CLSTN2: variants seen among roughly 807,000 people sequenced by gnomAD.
The protein encoded by CLSTN2 is calsyntenin 2, also known as calsyntenin-2.
A neutral mutation model predicts 101.2 loss-of-function variants in CLSTN2; 48 were observed. That is an observed-to-expected ratio of 0.47 (90% CI 0.38 to 0.60). CLSTN2 has a LOEUF of 0.60. Ranked by LOEUF, CLSTN2 falls within the 20% of genes least tolerant of loss-of-function variation. The pLI is 0.00. For missense variants in CLSTN2, 1,160 were observed against 1,238.2 expected, an observed-to-expected ratio of 0.94 and a Z score of 0.95; for synonymous variants, 481 against 463.6, an observed-to-expected ratio of 1.04 and a Z score of -0.48.
chr3:140,470,498 G>A (rs563192899), intron 8 of CLSTN2, among the ~76,000 whole-genome samples: 22 of 152,360 alleles, frequency 1.4e-4, no homozygotes, highest in Non-Finnish European at 2.1e-4. Flanking sequence ...GGGTCAGGGC[G>A]TGTGAGCTCT....
intron 8 of CLSTN2, among the ~76,000 whole-genome samples, chr3:140,468,581 A>T (rs1408350630): frequency 6.6e-6 from 1 of 152,178 alleles, no homozygotes; most frequent in African/African-American, 2.4e-5. Context: ...GCTAGGCAGG[A>T]TGCACGTGGG....
intron 2 of CLSTN2, among the ~76,000 whole-genome samples, chr3:140,326,055 G>A (rs1184490023): frequency 6.6e-6 from 1 of 152,174 alleles, no homozygotes; most frequent in African/African-American, 2.4e-5. Context: ...CCACAACAAA[G>A]TGTTAGAAAC....
At chr3:140,293,099 A>G (rs550815776) in intron 2 of CLSTN2, among the ~76,000 whole-genome samples, 1 of 152,348 alleles carries the variant, frequency 6.6e-6, no homozygotes, top group East Asian at 1.9e-4. Flanking sequence ...TCCCTCTTTA[A>G]CAACAGCATT....
chr3:140,336,775 T>A (rs1398250633), intron 2 of CLSTN2, among the ~76,000 whole-genome samples: 2 of 152,166 alleles, frequency 1.3e-5, no homozygotes, highest in African/African-American at 2.4e-5. Flanking sequence ...CATGGAACCA[T>A]TTGCTGCTGC....
chr3:140,325,187 T>A (rs543082181), intron 2 of CLSTN2, among the ~76,000 whole-genome samples: 2 of 152,296 alleles, frequency 1.3e-5, no homozygotes, highest in South Asian at 4.1e-4. Flanking sequence ...CATGAGCCAC[T>A]GCACCTGGAC....
intron 2 of CLSTN2, among the ~76,000 whole-genome samples, chr3:140,304,573 C>T (rs1293774896): frequency 1.3e-5 from 2 of 152,208 alleles, no homozygotes; most frequent in Non-Finnish European, 2.9e-5. Flanking sequence ...AACTAACTCC[C>T]AAAGACCCCA....
chr3:139,948,193 TG>T (rs1243156975), intron 1 of CLSTN2, among the ~76,000 whole-genome samples: 1 of 152,134 alleles, frequency 6.6e-6, no homozygotes, highest in East Asian at 1.9e-4. Context: ...GGCTGCTCCC[TG>T]GAAGCCACTC....
intron 8 of CLSTN2, among the ~76,000 whole-genome samples, chr3:140,505,160 T>G (rs1344946084): frequency 6.6e-6 from 1 of 152,160 alleles, no homozygotes; most frequent in Non-Finnish European, 1.5e-5. Context: ...TTGGCCCTTC[T>G]GCAGAAATCA....
At chr3:140,149,159 C>T (rs1379550307) in intron 1 of CLSTN2, among the ~76,000 whole-genome samples, 6 of 152,264 alleles carry the variant, frequency 3.9e-5, no homozygotes, top group South Asian at 2.1e-4. Flanking sequence ...TCTCCCCATC[C>T]GTGCCCTCTT....
chr3:140,470,197 T>A (rs1326321247), intron 8 of CLSTN2, among the ~76,000 whole-genome samples: 1 of 152,280 alleles, frequency 6.6e-6, no homozygotes, highest in Non-Finnish European at 1.5e-5. Context: ...CAAACTGTGC[T>A]CTAGGCTCTG....
At chr3:140,140,401 T>TGAGAGA (rs372472278) in intron 1 of CLSTN2, among the ~76,000 whole-genome samples, 2 of 149,868 alleles carry the variant, frequency 1.3e-5, no homozygotes, top group East Asian at 3.9e-4. Flanking sequence ...CATCACATGA[T>TGAGAGA]GAGAGAGAGA....
intron 2 of CLSTN2, among the ~76,000 whole-genome samples, chr3:140,399,141 C>G (rs2088214804): frequency 1.3e-5 from 2 of 152,254 alleles, no homozygotes; most frequent in South Asian, 4.1e-4. Context: ...ACACACAATT[C>G]CTGGCACAGT....
intron 8 of CLSTN2, among the ~76,000 whole-genome samples, chr3:140,523,931 C>A (rs150557123): frequency 1.7e-3 from 255 of 152,326 alleles, no homozygotes; most frequent in African/African-American, 5.7e-3. Context: ...TCCTTTCTGT[C>A]TTGCAATAGC....
chr3:140,429,895 C>T (rs1340011211), intron 5 of CLSTN2, among the ~76,000 whole-genome samples: 1 of 152,010 alleles, frequency 6.6e-6, no homozygotes, highest in South Asian at 2.1e-4. Context: ...TGAAGAGGAC[C>T]CTGCTACACC....
At chr3:140,211,607 CATTT>C (rs1171625169) in intron 2 of CLSTN2, among the ~76,000 whole-genome samples, 2 of 149,656 alleles carry the variant, frequency 1.3e-5, no homozygotes, top group Admixed American at 6.7e-5. Flanking sequence ...TAAACATATT[CATTT>C]AATCCTCTGC....
At position 140,301,424 on chromosome 3, in the gene CLSTN2, T is replaced by C. The variant is rs544058862; in HGVS notation, c.233-102205T>C. On this transcript the variant is annotated intron_variant, in intron 2 of 16. Coordinates refer to ENST00000458420, the MANE Select transcript of CLSTN2 (RefSeq NM_022131.3). ...AGAAAAGTGGCCTTACTTTACTTGA[T>C]TGCAAATCTCTTTAATGTCTACCTT... is the stretch of plus-strand genomic sequence containing the variant. Among the ~76,000 whole-genome samples, 25 of 152,336 alleles carry C rather than the reference T, an allele frequency of 1.6e-4. 1 individual carries two copies. Among genetic ancestry groups the C allele is most frequent in the South Asian group, 4.1e-4 (2 of 4,828 alleles).
intron 1 of CLSTN2, among the ~76,000 whole-genome samples, chr3:140,114,450 A>G (rs145902955): frequency 1.5e-4 from 23 of 152,200 alleles, no homozygotes; most frequent in Non-Finnish European, 2.2e-4. Context: ...CTGGCCTGTA[A>G]GTTCTTGGGC....
intron 4 of CLSTN2, among the ~76,000 whole-genome samples, chr3:140,420,247 A>C (rs1559864585): frequency 6.6e-6 from 1 of 151,838 alleles, no homozygotes; most frequent in Non-Finnish European, 1.5e-5. Flanking sequence ...TTTCTGGTAA[A>C]CGATGATAAC....
At chr3:140,212,579 T>C (rs1403250473) in intron 2 of CLSTN2, among the ~76,000 whole-genome samples, 1 of 152,120 alleles carries the variant, frequency 6.6e-6, no homozygotes, top group Non-Finnish European at 1.5e-5. Context: ...CTTCAATGGC[T>C]CCCCTCTGCT....
Sources: gnomAD v4.1 joint callset for allele counts (sites outside exome capture counted in the v4.1 genomes callset) on GRCh38, gnomAD v4.1.1 for gene constraint, MANE v1.5 for transcripts, NCBI Gene and HGNC (gene_info 2026-07-23, HGNC 2026-07-21) for gene names.